The following PLA2G4F variants were observed in gnomAD, a reference collection of about 807,000 sequenced individuals.
PLA2G4F encodes the protein cytosolic phospholipase A2 zeta.
A neutral mutation model predicts 103.1 loss-of-function variants in PLA2G4F; 105 were observed. That is an observed-to-expected ratio of 1.02 (90% confidence interval 0.87 to 1.20). PLA2G4F has a LOEUF of 1.20. Ranked by LOEUF, PLA2G4F falls within the 50% of genes most tolerant of loss-of-function variation. The pLI is 0.00. For missense variants in PLA2G4F, 1,155 were observed against 1,075.9 expected (o/e 1.07, Z -1.03); for synonymous variants, 468 against 441.1 (o/e 1.06, Z -0.76).
chr15:42,148,422 G>A (rs1232543236), intron 11 of PLA2G4F: 1 of 190,226 alleles, frequency 5.3e-6, no homozygotes, highest in African/African-American at 2.4e-5. Context: ...CGATATTCTT[G>A]ACCAGGTAGC....
At position 42,142,555 on chromosome 15, in the gene PLA2G4F, G is replaced by T. The variant is rs560812368; in HGVS notation, c.2302C>A (p.Arg768Ser). The change falls in exon 19 of 20, where the codon CGT becomes AGT. Residue 768 changes from arginine (R) to serine (S), a missense_variant. Physicochemically the swap from Arg to Ser is moderately radical, Grantham distance 110 (BLOSUM62 -1). Coordinates refer to ENST00000397272, the MANE Select transcript of PLA2G4F (RefSeq NM_213600.4). ...GGGGCCAGGTGTGTGCGGAAGGTACGGTTAACCAGGGGGAAGTGCAGCACA... is the reference window on the plus strand; with the variant it reads ...GGGGCCAGGTGTGTGCGGAAGGTACTGTTAACCAGGGGGAAGTGCAGCACA... ...PIVLHFPLVN[R>S]TFRTHLAPGV... The T allele has an allele frequency of 6.2e-7, 1 of 1,613,846 alleles. No individual in the cohort carries two copies. Among genetic ancestry groups the T allele is most frequent in the East Asian group, 2.2e-5 (1 of 44,874 alleles).
At chr15:42,151,467 A>T (rs1160679288) in intron 7 of PLA2G4F, 1 of 985,170 alleles carries the variant, frequency 1.0e-6, no homozygotes, top group Admixed American at 6.2e-5. Flanking sequence ...ATGGCTGCAC[A>T]TGACATCCGG....
intron 18 of PLA2G4F, among the ~76,000 whole-genome samples, chr15:42,143,176 TAAAAAAAAAAAAAAAAA>T (rs56171986): frequency 1.1e-5 from 1 of 89,698 alleles, no homozygotes; most frequent in Non-Finnish European, 2.3e-5. Context: ...AGACTCCATC[TAAAAAAAAAAAAAAAAA>T]AAAAAAAAAA....
intron 17 of PLA2G4F, 70 bp from the exon 18 acceptor site, chr15:42,144,214 G>A: frequency 6.6e-7 from 1 of 1,511,958 alleles, no homozygotes. Flanking sequence ...TTCTGTATTT[G>A]CATTCACGTT....
intron 13 of PLA2G4F, chr15:42,146,829 ACT>A (rs1465875777): frequency 6.0e-6 from 2 of 332,548 alleles, no homozygotes; most frequent in South Asian, 4.5e-5. Flanking sequence ...AACTAAAATC[ACT>A]CTCTCTGGAA....
At chr15:42,147,447 C>T (rs1595619914) in intron 12 of PLA2G4F, 101 bp from the exon 13 acceptor site, 1 of 1,389,702 alleles carries the variant, frequency 7.2e-7, no homozygotes, top group South Asian at 1.3e-5. Context: ...ACCACTTGCA[C>T]TGCTGCCCTG....
rs1357063910 is a variant in PLA2G4F at position 42,141,190 on chromosome 15, C to G, written c.*794G>C. The G allele has an allele frequency of 2.9e-5, 13 of 455,834 alleles. No homozygotes were observed. Among genetic ancestry groups the G allele is most frequent in the Non-Finnish European group, 4.4e-5 (10 of 226,484 alleles). The allele number at this position is 455,834 out of a possible 1,614,324, so 28.2% of individuals were successfully genotyped here. A position where few individuals can be genotyped will look rare whatever the true frequency, so the allele number is the denominator to read the frequency against. ...CCGATGAACTGATGCCCCTACTAGA[C>G]ACACCCATTTAGCTCCTAGGAATGG... On this transcript the variant is annotated 3_prime_UTR_variant, in exon 20 of 20. Coordinates refer to ENST00000397272, the MANE Select transcript of PLA2G4F (RefSeq NM_213600.4).
chr15:42,141,911 C>G lies in PLA2G4F; in HGVS notation c.*73G>C. The stretch of plus-strand genomic sequence containing the variant: ...CAGATCCTGCACAGAGTCCCCATCG[C>G]TCCTCCCTCTACAAGCCCTGACCAT... On this transcript the variant is annotated 3_prime_UTR_variant, in exon 20 of 20. Coordinates refer to ENST00000397272, the MANE Select transcript of PLA2G4F (RefSeq NM_213600.4). 6.9e-7 allele frequency: 1 copy of G among 1,442,838 alleles called. No individual in the cohort carries two copies. The highest frequency in any genetic ancestry group is 1.4e-5 in the African/African-American group (1 of 71,360). The allele number at this position is 1,442,838 out of a possible 1,614,324, so 89.4% of individuals were successfully genotyped here. A position where few individuals can be genotyped will look rare whatever the true frequency, so the allele number is the denominator to read the frequency against.
At position 42,142,172 on chromosome 15, in the gene PLA2G4F, A is replaced by G. The variant is rs746606427; in HGVS notation, c.2362T>C (p.Phe788Leu). Residue 788 changes from phenylalanine (F) to leucine (L), a missense_variant, in exon 20 of 20, where the codon TTT (phenylalanine) becomes CTT (leucine). Coordinates refer to ENST00000397272, the MANE Select transcript of PLA2G4F (RefSeq NM_213600.4). ...VERQTAEEKA[F>L]GDFVINRPDT... Reference sequence around the variant, plus strand: ...GGCCTGTTGATGACAAAGTCCCCAAAGGCCTTCTCCTCAGCTGTTTGTCGC... The same window carrying G: ...GGCCTGTTGATGACAAAGTCCCCAAGGGCCTTCTCCTCAGCTGTTTGTCGC... The G allele has an allele frequency of 1.9e-6, 3 of 1,613,840 alleles. No individual in the cohort carries two copies. In the African/African-American group the frequency reaches 4.0e-5, roughly 22 times the overall value.
In PLA2G4F at chr15:42,149,737, C is replaced by T. The variant is rs778232861; in HGVS notation, c.1035G>A (p.Leu345=). 10 of 1,614,116 alleles carry T rather than the reference C, an allele frequency of 6.2e-6. No individual in the cohort carries two copies. The highest frequency in any genetic ancestry group is 8.5e-6 in the Non-Finnish European group (10 of 1,180,048). The part of the protein sequence containing the change: ...VSKALQQVLG[L]SEALDSGQVP... ...CCTGGCCACTGTCCAGAGCCTCACT[C>T]AATCCCAGCACTTGCTGCAGGGCCT... is the stretch of plus-strand genomic sequence containing the variant. The change falls in exon 11 of 20, where the codon TTG becomes TTA. Residue 345 remains leucine, a synonymous_variant. Coordinates refer to ENST00000397272, the MANE Select transcript of PLA2G4F (RefSeq NM_213600.4).
chr15:42,153,727 T>G, intron 4 of PLA2G4F, 67 bp from the exon 5 acceptor site: 1 of 1,564,946 alleles, frequency 6.4e-7, no homozygotes, highest in East Asian at 2.2e-5. Flanking sequence ...TGTTCCTGCC[T>G]GCCAGCCCTG....
In PLA2G4F at chr15:42,150,421, G is replaced by A; in HGVS notation, c.837C>T (p.Ser279=). The A allele has an allele frequency of 6.2e-7, 1 of 1,613,368 alleles. No homozygotes were observed. Among genetic ancestry groups the A allele is most frequent in the East Asian group, 2.2e-5 (1 of 44,868 alleles). ...GTTCCTCCTGGCCTAGGGGCAGAGA[G>A]GAGAGCAGGATGCCCCCCTCGCCCA... ...SKLGEGGILL[S]SLPLGQEEQC... is the part of the protein sequence containing the mutation. The change falls in exon 9 of 20, where the codon TCC becomes TCT. Residue 279 remains serine, a synonymous_variant. Coordinates refer to ENST00000397272, the MANE Select transcript of PLA2G4F (RefSeq NM_213600.4).
intron 13 of PLA2G4F, chr15:42,146,753 G>A (rs1290765190): frequency 4.2e-6 from 1 of 238,786 alleles, no homozygotes; most frequent in Non-Finnish European, 8.3e-6. Context: ...TGGCTGAGAA[G>A]TGGGTGTGGC....
At chr15:42,147,405 G>A in intron 12 of PLA2G4F, 59 bp from the exon 13 acceptor site, 3 of 1,522,968 alleles carry the variant, frequency 2.0e-6, no homozygotes, top group Middle Eastern at 2.3e-4. Context: ...GGGAGAGAGG[G>A]GTGCAGAGTC....
Position 42,147,351 on chromosome 15 carries a change from G to A in PLA2G4F, c.1197-5C>T, listed in dbSNP as rs762223187. The A allele has an allele frequency of 8.1e-6, 13 of 1,603,258 alleles. 1 individual carries two copies. Among genetic ancestry groups the A allele is most frequent in the South Asian group, 1.1e-5 (1 of 90,932 alleles). On this transcript the variant is annotated splice_region_variant and splice_polypyrimidine_tract_variant and intron_variant, in intron 12 of 19. Transcript: ENST00000397272. ...CTGTAGAGTGTGGAGATGCACCTGGGGATTGGAGGTGTGCCTGAGTCAGGG... is the reference window on the plus strand; with the variant it reads ...CTGTAGAGTGTGGAGATGCACCTGGAGATTGGAGGTGTGCCTGAGTCAGGG...
intron 7 of PLA2G4F, chr15:42,151,207 T>G: frequency 3.0e-6 from 3 of 985,464 alleles, no homozygotes; most frequent in Non-Finnish European, 3.6e-6. Context: ...ACCAGTAGGC[T>G]GCAAGTTGTT....
At chr15:42,156,131 T>C (rs984647990) in intron 1 of PLA2G4F, among the ~76,000 whole-genome samples, 1 of 152,170 alleles carries the variant, frequency 6.6e-6, no homozygotes, top group East Asian at 1.9e-4. Flanking sequence ...GCATGCTGCC[T>C]ACTGGGAGGG....
chr15:42,147,908 C>T (rs929813776), intron 11 of PLA2G4F, 146 bp from the exon 12 acceptor site: 3 of 1,296,190 alleles, frequency 2.3e-6, no homozygotes, highest in Admixed American at 2.5e-5. Flanking sequence ...ACCCCATTTT[C>T]AGCCAGGCAC....
intron 4 of PLA2G4F, 114 bp from the exon 5 acceptor site, chr15:42,153,774 T>C: frequency 1.7e-6 from 2 of 1,167,984 alleles, no homozygotes; most frequent in South Asian, 2.8e-5. Context: ...ACTGGCATTG[T>C]GGCTTGTCAT....
Sources: gnomAD v4.1 joint callset for allele counts (sites outside exome capture counted in the v4.1 genomes callset) on GRCh38, gnomAD v4.1.1 for gene constraint, MANE v1.5 for transcripts, NCBI Gene and HGNC (gene_info 2026-07-23, HGNC 2026-07-21) for gene names.